Variants in DAG1 observed in about 807,000 individuals in gnomAD.
DAG1 encodes the protein dystroglycan 1, also known as dystroglycan 1 (dystrophin-associated glycoprotein 1).
A neutral mutation model predicts 46.1 loss-of-function variants in DAG1; 8 were observed. The observed-to-expected ratio is 0.17, with a 90% CI of 0.10 to 0.31. The LOEUF (loss-of-function observed/expected upper bound fraction) is 0.31, where lower values mean the gene tolerates loss of function less well. DAG1 is among the 10% of genes least tolerant of loss of function. The pLI, the probability that DAG1 is intolerant of heterozygous loss-of-function variation, is 1.00. For missense variants in DAG1, 1,003 were observed against 1,189.9 expected (o/e 0.84, Z 2.31); for synonymous variants, 495 against 481.8 (o/e 1.03, Z -0.36).
intron 2 of DAG1, among the ~76,000 whole-genome samples, chr3:49,512,564 G>C (rs960823526): frequency 6.6e-6 from 1 of 151,408 alleles, no homozygotes; most frequent in African/African-American, 2.4e-5. Context: ...GCTAATTTTT[G>C]TATTTTTAGT....
intron 1 of DAG1, among the ~76,000 whole-genome samples, chr3:49,472,632 C>T (rs1435906475): frequency 1.3e-5 from 2 of 151,974 alleles, no homozygotes; most frequent in Non-Finnish European, 1.5e-5. Context: ...ACGGTGAAAC[C>T]CCCTCTCTAC....
In DAG1 at chr3:49,507,432, G is replaced by A. The variant is rs946003033; in HGVS notation, c.-116-2987G>A. 2.0e-5 allele frequency among the ~76,000 whole-genome samples: 3 copies of A among 152,084 alleles called. 1 individual carries two copies. In the Middle Eastern group the frequency reaches 0.01, roughly 517 times the overall value. ...ACAAAAATTAGCTGGGCGTAGTGGT[G>A]GGAGCCTGTAATCCCAGCTACTTGG... On this transcript the variant is annotated intron_variant, in intron 1 of 2. Transcript: ENST00000308775.
Position 49,530,888 on chromosome 3 carries a change from A to G in DAG1, c.377A>G (p.Lys126Arg). ...GAGGGCCTCCCCCTTGACACTGATA[A>G]GGGTGTGCATTACATTTCAGTGAGC... ...TLEGLPLDTD[K>R]GVHYISVSAT... is the part of the protein sequence containing the mutation. The change falls in exon 3 of 3, where the codon AAG (lysine) becomes AGG (arginine). Residue 126 changes from lysine to arginine, a missense_variant. Lys to Arg is a conservative substitution (Grantham distance 26). This residue lies in a region of DAG1 where 196 missense variants were observed against 239.1 expected (regional missense o/e 0.82). Coordinates refer to ENST00000308775, the MANE Select transcript of DAG1 (RefSeq NM_004393.6). The G allele has an allele frequency of 6.2e-7, 1 of 1,614,144 alleles. No homozygotes were observed. Among genetic ancestry groups the G allele is most frequent in the Non-Finnish European group, 8.5e-7 (1 of 1,179,996 alleles).
chr3:49,473,833 G>A (rs980775539), intron 1 of DAG1, among the ~76,000 whole-genome samples: 9 of 150,984 alleles, frequency 6.0e-5, no homozygotes, highest in Non-Finnish European at 1.0e-4. Flanking sequence ...ATCCGCCCGC[G>A]TCAGCCTCCC....
intron 1 of DAG1, among the ~76,000 whole-genome samples, chr3:49,482,980 T>G (rs2049926252): frequency 6.6e-6 from 1 of 152,140 alleles, no homozygotes; most frequent in African/African-American, 2.4e-5. Context: ...TCAGTTGTTC[T>G]CCAGGGATAG....
chr3:49,533,141 G>T lies in DAG1; in HGVS notation c.2630G>T (p.Gly877Val), dbSNP rs1292775025. 9.9e-6 allele frequency: 16 copies of T among 1,613,980 alleles called. No individual in the cohort carries two copies. The highest frequency in any genetic ancestry group is 1.4e-5 in the Non-Finnish European group (16 of 1,180,038). ...TTCACAGCACCCATGGAGGGCAAGG[G>T]CTCCCGTCCCAAGAACATGACCCCA... ...PPFTAPMEGKGSRPKNMTPYR... is the reference protein window; with the variant it reads ...PPFTAPMEGKVSRPKNMTPYR... Residue 877 changes from glycine to valine, a missense_variant, in exon 3 of 3, where the codon GGC becomes GTC. Physicochemically the swap from Gly to Val is moderately radical, Grantham distance 109. This residue lies in a region of DAG1 where 755 missense variants were observed against 854.1 expected (regional missense o/e 0.88). Coordinates refer to ENST00000308775, the MANE Select transcript of DAG1 (RefSeq NM_004393.6).
chr3:49,482,532 TTACTC>T (rs1297030311), intron 1 of DAG1, among the ~76,000 whole-genome samples: 2 of 152,206 alleles, frequency 1.3e-5, no homozygotes, highest in Non-Finnish European at 2.9e-5. Context: ...TTGTTATTCT[TTACTC>T]CACTGAGATG....
At chr3:49,495,503 G>C (rs1430077425) in intron 1 of DAG1, among the ~76,000 whole-genome samples, 1 of 152,110 alleles carries the variant, frequency 6.6e-6, no homozygotes, top group Non-Finnish European at 1.5e-5. Flanking sequence ...TGCATTTTTT[G>C]ATGCAACGCG....
At chr3:49,491,630 A>G (rs1430208588) in intron 1 of DAG1, among the ~76,000 whole-genome samples, 1 of 151,528 alleles carries the variant, frequency 6.6e-6, no homozygotes, top group East Asian at 2.0e-4. Flanking sequence ...GCGTCCGCCA[A>G]CACGCCTGGC....
chr3:49,528,192 C>A (rs535300450), intron 2 of DAG1, among the ~76,000 whole-genome samples: 1 of 149,466 alleles, frequency 6.7e-6, no homozygotes, highest in Non-Finnish European at 1.5e-5. Flanking sequence ...TGTTTATATA[C>A]GGATGTGGCA....
chr3:49,489,300 C>T (rs753312118), intron 1 of DAG1, among the ~76,000 whole-genome samples: 5 of 152,062 alleles, frequency 3.3e-5, no homozygotes, highest in East Asian at 1.9e-4. Flanking sequence ...CCATGTTGGT[C>T]GGGCTGGTCT....
At chr3:49,524,694 A>T (rs915730552) in intron 2 of DAG1, among the ~76,000 whole-genome samples, 3 of 147,878 alleles carry the variant, frequency 2.0e-5, no homozygotes, top group Non-Finnish European at 4.5e-5. Context: ...AAAAATGTAT[A>T]TTTAAGGGCT....
rs773637967 is a variant in DAG1 at position 49,532,377 on chromosome 3, C to T, written c.1866C>T (p.Asp622=). ...FVGDPALVLN[D]IHKKIALVKK... ...GTGACCCGGCACTGGTGTTGAATGA[C>T]ATCCACAAGAAGATTGCCTTGGTAA... Residue 622 remains aspartate, a synonymous_variant, in exon 3 of 3, where the codon GAC becomes GAT. Transcript: ENST00000308775. The surrounding 1 kb of genome is among the most constrained non-coding windows in gnomAD (Gnocchi z 5.4). 1.2e-6 allele frequency: 2 copies of T among 1,614,074 alleles called. No individual in the cohort carries two copies. Among genetic ancestry groups the T allele is most frequent in the Non-Finnish European group, 1.7e-6 (2 of 1,180,044 alleles).
intron 1 of DAG1, among the ~76,000 whole-genome samples, chr3:49,500,461 G>A (rs2050419092): frequency 1.3e-5 from 2 of 152,146 alleles, no homozygotes; most frequent in Non-Finnish European, 2.9e-5. Context: ...TATCTGCAGT[G>A]AGTCTCAGGG....
intron 2 of DAG1, among the ~76,000 whole-genome samples, chr3:49,529,162 A>G (rs2051274490): frequency 6.6e-6 from 1 of 151,976 alleles, no homozygotes; most frequent in Non-Finnish European, 1.5e-5. Flanking sequence ...AATAATAATA[A>G]TTCCTAACAA....
chr3:49,528,662 C>T (rs1575407840), intron 2 of DAG1, among the ~76,000 whole-genome samples: 1 of 151,726 alleles, frequency 6.6e-6, no homozygotes, highest in Non-Finnish European at 1.5e-5. Context: ...TTGAAGACAC[C>T]CATGTTTACA....
chr3:49,489,683 C>G (rs934142181), intron 1 of DAG1, among the ~76,000 whole-genome samples: 1 of 151,956 alleles, frequency 6.6e-6, no homozygotes, highest in Non-Finnish European at 1.5e-5. Flanking sequence ...ACATTTTCTT[C>G]CATTATAACC....
At chr3:49,497,270 C>T (rs1241811145) in intron 1 of DAG1, among the ~76,000 whole-genome samples, 1 of 151,898 alleles carries the variant, frequency 6.6e-6, no homozygotes, top group Non-Finnish European at 1.5e-5. Flanking sequence ...AATCCCATCC[C>T]TACTAAAAAT....
chr3:49,480,115 ATTT>A (rs34246427), intron 1 of DAG1, among the ~76,000 whole-genome samples: 3 of 108,738 alleles, frequency 2.8e-5, no homozygotes, highest in Non-Finnish European at 3.6e-5. Flanking sequence ...ACACCCGGCT[ATTT>A]TTTTTTTTTT....
Sources: allele counts gnomAD v4.1 joint callset (sites outside exome capture counted in the v4.1 genomes callset), GRCh38; gene constraint gnomAD v4.1.1; regional missense constraint gnomAD v4.1.1; non-coding constraint Gnocchi (gnomAD v3.1); transcripts MANE v1.5; gene names NCBI Gene and HGNC (gene_info 2026-07-23, HGNC 2026-07-21).